ANO6: variants seen among roughly 807,000 people sequenced by gnomAD.
ANO6 encodes anoctamin 6.
Under a neutral mutation model 117.5 loss-of-function variants are expected in ANO6, and 106 were observed. That is an observed-to-expected ratio of 0.90 (90% confidence interval 0.77 to 1.06). The LOEUF is 1.06. Ranked by LOEUF, ANO6 falls within the 50% of genes least tolerant of loss-of-function variation. The pLI, the probability that ANO6 is intolerant of heterozygous loss-of-function variation, is 0.00. For missense variants in ANO6, 955 were observed against 1,121.1 expected (o/e 0.85, Z 2.12); for synonymous variants, 367 against 385.1 (o/e 0.95, Z 0.55).
At chr12:45,352,557 T>A (rs1941305361) in intron 7 of ANO6, among the ~76,000 whole-genome samples, 1 of 94,706 alleles carries the variant, frequency 1.1e-5, no homozygotes, top group African/African-American at 5.0e-5. Context: ...TGAGATCCAG[T>A]CTTAAAAAAA....
intron 1 of ANO6, chr12:45,270,482 A>G: frequency 6.6e-7 from 1 of 1,508,032 alleles, no homozygotes; most frequent in African/African-American, 1.4e-5. Flanking sequence ...TGCCTCCAGG[A>G]GGCCTTTTCT....
intron 2 of ANO6, among the ~76,000 whole-genome samples, chr12:45,328,423 A>G (rs564680366): frequency 3.0e-4 from 46 of 152,086 alleles, no homozygotes; most frequent in Admixed American, 1.2e-3. Context: ...TTTTGATAAA[A>G]ATGAAAAAAA....
chr12:45,249,688 A>G (rs75424442), intron 1 of ANO6, among the ~76,000 whole-genome samples: 1,659 of 152,316 alleles, frequency 0.011, 30 homozygotes, highest in African/African-American at 0.036. Context: ...TATTTCATGT[A>G]AATTTAGAGA....
intron 16 of ANO6, among the ~76,000 whole-genome samples, chr12:45,412,527 C>T (rs558013084): frequency 5.2e-4 from 79 of 152,290 alleles, no homozygotes; most frequent in African/African-American, 1.7e-3. Flanking sequence ...CTGAACCCAC[C>T]GATGCCTCTG....
intron 1 of ANO6, among the ~76,000 whole-genome samples, chr12:45,288,318 C>T (rs1011596321): frequency 6.6e-6 from 1 of 152,158 alleles, no homozygotes; most frequent in Non-Finnish European, 1.5e-5. Context: ...CATTGTTGTG[C>T]AACCATCACC....
chr12:45,355,459 A>C (rs958091512), intron 7 of ANO6, among the ~76,000 whole-genome samples: 3 of 152,024 alleles, frequency 2.0e-5, no homozygotes, highest in African/African-American at 7.2e-5. Context: ...TATTATTGGG[A>C]GCTTGGACCA....
chr12:45,262,386 T>C (rs971079909), intron 1 of ANO6, among the ~76,000 whole-genome samples: 16 of 152,170 alleles, frequency 1.1e-4, no homozygotes, highest in African/African-American at 3.9e-4. Context: ...GTATATTCAG[T>C]GTTGTGCAAT....
chr12:45,440,052 C>T lies in ANO6; in HGVS notation c.*114C>T, dbSNP rs146998997. On this transcript the variant is annotated 3_prime_UTR_variant, in exon 20 of 20. Transcript: ENST00000425752. ...TGGCTCATTAATATTCCAATACTGG[C>T]ATTTAAGACCATTAATTTTCCTCTA... 196 of 1,042,552 alleles carry T rather than the reference C, an allele frequency of 1.9e-4. No individual in the cohort carries two copies. The African/African-American group carries it at 3.0e-3, about 16-fold the overall frequency. The allele number at this position is 1,042,552 out of a possible 1,614,324, so 64.6% of individuals were successfully genotyped here.
intron 1 of ANO6, among the ~76,000 whole-genome samples, chr12:45,286,087 C>T (rs1592917874): frequency 6.6e-6 from 1 of 152,224 alleles, no homozygotes; most frequent in East Asian, 1.9e-4. Context: ...AAAAAGGCTT[C>T]TACTGATAGA....
At chr12:45,383,532 G>A (rs1942220330) in intron 10 of ANO6, among the ~76,000 whole-genome samples, 1 of 151,580 alleles carries the variant, frequency 6.6e-6, no homozygotes, top group Non-Finnish European at 1.5e-5. Context: ...CTTACTAAAT[G>A]TATTTCTTAA....
chr12:45,284,751 A>G (rs927563131), intron 1 of ANO6, among the ~76,000 whole-genome samples: 4 of 152,224 alleles, frequency 2.6e-5, no homozygotes, highest in Non-Finnish European at 5.9e-5. Context: ...CTCATCCTGC[A>G]TGCCAAGTAA....
At chr12:45,227,396 G>C (rs1027458146) in intron 1 of ANO6, among the ~76,000 whole-genome samples, 1 of 152,068 alleles carries the variant, frequency 6.6e-6, no homozygotes, top group South Asian at 2.1e-4. Flanking sequence ...AAAGTCTTAC[G>C]GTCAGATGAC....
chr12:45,278,914 C>T (rs1938636384), intron 1 of ANO6, among the ~76,000 whole-genome samples: 1 of 152,172 alleles, frequency 6.6e-6, no homozygotes, highest in Non-Finnish European at 1.5e-5. Flanking sequence ...GTCCCTCCAC[C>T]CACCCCTCCA....
intron 9 of ANO6, among the ~76,000 whole-genome samples, chr12:45,371,504 C>A (rs1219919677): frequency 1.3e-5 from 2 of 151,368 alleles, no homozygotes; most frequent in Non-Finnish European, 2.9e-5. Context: ...CAGCACGCAG[C>A]TGGAGATCTG....
intron 1 of ANO6, among the ~76,000 whole-genome samples, chr12:45,245,725 A>G (rs976071977): frequency 1.3e-5 from 2 of 152,128 alleles, no homozygotes; most frequent in African/African-American, 4.8e-5. Flanking sequence ...AATGCACTTA[A>G]AGGGCTTGGT....
At chr12:45,249,716 A>G (rs1213466288) in intron 1 of ANO6, among the ~76,000 whole-genome samples, 2 of 152,226 alleles carry the variant, frequency 1.3e-5, no homozygotes, top group African/African-American at 4.8e-5. Context: ...CTTCTGGATG[A>G]AAATGTTAGA....
intron 15 of ANO6, among the ~76,000 whole-genome samples, chr12:45,407,337 C>T (rs1297105727): frequency 6.6e-6 from 1 of 152,072 alleles, no homozygotes; most frequent in African/African-American, 2.4e-5. Context: ...TCTCTGAGGG[C>T]ATGGAAAGGA....
chr12:45,236,222 C>T (rs1947643077), intron 1 of ANO6, among the ~76,000 whole-genome samples: 1 of 152,078 alleles, frequency 6.6e-6, no homozygotes, highest in Non-Finnish European at 1.5e-5. Context: ...GTATGTGCCA[C>T]TGTCAGTTGT....
chr12:45,425,062 G>T (rs1276306181), intron 19 of ANO6, among the ~76,000 whole-genome samples: 1 of 152,074 alleles, frequency 6.6e-6, no homozygotes, highest in African/African-American at 2.4e-5. Flanking sequence ...AACTGTATGT[G>T]AAAACATTTA....
Sources: gnomAD v4.1 joint callset for allele counts (sites outside exome capture counted in the v4.1 genomes callset) on GRCh38, gnomAD v4.1.1 for gene constraint, MANE v1.5 for transcripts, NCBI Gene and HGNC (gene_info 2026-07-23, HGNC 2026-07-21) for gene names.